SPSB4: variants seen among roughly 807,000 people sequenced by gnomAD.
SPSB4 encodes the protein SPRY domain-containing SOCS box protein 4.
Under a neutral mutation model 20.9 loss-of-function variants are expected in SPSB4, and 21 were observed. The ratio of observed to expected loss-of-function variants is 1.01; its 90% CI spans 0.71 to 1.45. The LOEUF is 1.45. Among genes scored for constraint, SPSB4 ranks in the 40% most tolerant of loss-of-function variants. The pLI is 0.00. For missense variants in SPSB4, 399 were observed against 399.2 expected (o/e 1.00, Z 0.00); for synonymous variants, 207 against 183.8 (o/e 1.13, Z -1.02).
intron 2 of SPSB4, among the ~76,000 whole-genome samples, chr3:141,140,645 G>A (rs910195238): frequency 6.6e-6 from 1 of 152,182 alleles, no homozygotes; most frequent in Non-Finnish European, 1.5e-5. Context: ...GCAGAACAGC[G>A]GATATTGGTG....
intron 2 of SPSB4, among the ~76,000 whole-genome samples, chr3:141,096,535 G>A (rs1168629714): frequency 2.0e-5 from 3 of 152,322 alleles, no homozygotes; most frequent in African/African-American, 7.2e-5. Context: ...AATCCCTAAT[G>A]GGTTCCATCT....
At position 141,120,015 on chromosome 3, in the gene SPSB4, G is replaced by C. The variant is rs376586636; in HGVS notation, c.695-27127G>C. On this transcript the variant is annotated intron_variant, in intron 2 of 2. Coordinates refer to ENST00000310546, the MANE Select transcript of SPSB4 (RefSeq NM_080862.3). ...CTTTTCATTGTGATGTTAGGGTGTC[G>C]ATTTTAGGTCTTTCCTGCTTCCTCT... Among the ~76,000 whole-genome samples the C allele has an allele frequency of 2.0e-4, 31 of 152,080 alleles. 1 individual carries two copies. In the East Asian group the frequency reaches 6.0e-3, roughly 29 times the overall value.
rs1239410831 is a variant in SPSB4 at position 141,148,586 on chromosome 3, A to G, written c.*1317A>G. The G allele has an allele frequency of 1.3e-5, 2 of 152,594 alleles. No homozygotes were observed. The highest frequency in any genetic ancestry group is 1.5e-5 in the Non-Finnish European group (1 of 68,036). 9.5% of individuals were successfully genotyped at this position (152,594 alleles called of 1,614,324 possible). ...TGACTGATGAATGAAGAGCGTTTCT[A>G]ATAAAGTTTGTCATTCAGTCCTTCA... is the stretch of plus-strand genomic sequence containing the variant. On this transcript the variant is annotated 3_prime_UTR_variant, in exon 3 of 3. Coordinates refer to ENST00000310546, the MANE Select transcript of SPSB4 (RefSeq NM_080862.3). The surrounding 1 kb of genome is among the most constrained non-coding windows in gnomAD (Gnocchi z 4.5).
chr3:141,133,850 C>T (rs1436280161), intron 2 of SPSB4, among the ~76,000 whole-genome samples: 1 of 151,994 alleles, frequency 6.6e-6, no homozygotes, highest in Non-Finnish European at 1.5e-5. Flanking sequence ...ATGGGAATTG[C>T]ATTGAATTTG....
chr3:141,112,644 C>CAAA (rs60396514), intron 2 of SPSB4, among the ~76,000 whole-genome samples: 375 of 32,826 alleles, frequency 0.011, 30 homozygotes, highest in African/African-American at 0.039. Flanking sequence ...GACTCCGTCT[C>CAAA]AAAAAAAAAA....
intron 2 of SPSB4, among the ~76,000 whole-genome samples, chr3:141,112,644 C>CAAAAAAAAAAAAAAAAA (rs60396514): frequency 1.2e-4 from 4 of 32,876 alleles, no homozygotes; most frequent in African/African-American, 2.3e-4. Context: ...GACTCCGTCT[C>CAAAAAAAAAAAAAAAAA]AAAAAAAAAA....
chr3:141,100,989 T>G (rs376718899), intron 2 of SPSB4, among the ~76,000 whole-genome samples: 2 of 152,088 alleles, frequency 1.3e-5, no homozygotes, highest in African/African-American at 4.8e-5. Flanking sequence ...GTAGCGGGGA[T>G]GCATGATGGC....
intron 2 of SPSB4, among the ~76,000 whole-genome samples, chr3:141,089,984 C>T (rs1414309974): frequency 6.6e-6 from 1 of 151,862 alleles, no homozygotes; most frequent in African/African-American, 2.4e-5. Context: ...GTGTTGGCCA[C>T]TCCCTCCCTC....
intron 2 of SPSB4, among the ~76,000 whole-genome samples, chr3:141,111,631 C>T (rs1385115388): frequency 2.0e-5 from 3 of 152,068 alleles, no homozygotes; most frequent in Non-Finnish European, 4.4e-5. Context: ...CCCACATCAG[C>T]GGGTCTCTCA....
chr3:141,059,346 G>T (rs1050818306), intron 1 of SPSB4, among the ~76,000 whole-genome samples: 2 of 152,198 alleles, frequency 1.3e-5, no homozygotes, highest in African/African-American at 4.8e-5. Flanking sequence ...ATAATGAAAA[G>T]AAGTTTAGTT....
At chr3:141,109,239 T>C (rs1938754492) in intron 2 of SPSB4, among the ~76,000 whole-genome samples, 1 of 152,220 alleles carries the variant, frequency 6.6e-6, no homozygotes, top group Admixed American at 6.5e-5. Flanking sequence ...ACTCACACCT[T>C]GCCATGCACC....
chr3:141,111,354 CTT>C (rs34223433), intron 2 of SPSB4, among the ~76,000 whole-genome samples: 1 of 61,800 alleles, frequency 1.6e-5, no homozygotes, highest in Non-Finnish European at 2.8e-5. Flanking sequence ...CTGGAACTTG[CTT>C]TTTTTTTTTT....
chr3:141,138,849 G>T (rs1939273917), intron 2 of SPSB4, among the ~76,000 whole-genome samples: 1 of 152,156 alleles, frequency 6.6e-6, no homozygotes, highest in African/African-American at 2.4e-5. Context: ...TGTCTATTAG[G>T]TCCGCTTGGT....
At chr3:141,068,523 G>T (rs1215799944) in intron 2 of SPSB4, among the ~76,000 whole-genome samples, 2 of 152,216 alleles carry the variant, frequency 1.3e-5, no homozygotes, top group African/African-American at 4.8e-5. Context: ...GGTGTACCAA[G>T]GCTCTGGAGT....
At chr3:141,061,943 C>G (rs1045636459) in intron 1 of SPSB4, among the ~76,000 whole-genome samples, 1 of 152,174 alleles carries the variant, frequency 6.6e-6, no homozygotes, top group Non-Finnish European at 1.5e-5. Context: ...CCATGTTGGC[C>G]AGGCTAGTCT....
chr3:141,085,744 C>A (rs937740729), intron 2 of SPSB4, among the ~76,000 whole-genome samples: 1 of 152,208 alleles, frequency 6.6e-6, no homozygotes, highest in Non-Finnish European at 1.5e-5. Context: ...ATTAATGATG[C>A]CTCCCTTTGG....
At chr3:141,053,677 C>G (rs1354665454) in intron 1 of SPSB4, among the ~76,000 whole-genome samples, 1 of 151,780 alleles carries the variant, frequency 6.6e-6, no homozygotes, top group East Asian at 1.9e-4. Context: ...GAAATGATAC[C>G]AAAACATATG....
chr3:141,070,665 C>T (rs1259857222), intron 2 of SPSB4, among the ~76,000 whole-genome samples: 1 of 152,202 alleles, frequency 6.6e-6, no homozygotes. Context: ...AGGCGTGAGA[C>T]ACGTCACCCG....
At chr3:141,106,505 C>T (rs1938691917) in intron 2 of SPSB4, among the ~76,000 whole-genome samples, 2 of 152,234 alleles carry the variant, frequency 1.3e-5, no homozygotes, top group Admixed American at 1.3e-4. Context: ...TCAGGAATTA[C>T]CTCCGATCAG....
Sources: gnomAD v4.1 joint callset for allele counts (sites outside exome capture counted in the v4.1 genomes callset) on GRCh38, gnomAD v4.1.1 for gene constraint, Gnocchi (gnomAD v3.1) non-coding constraint, MANE v1.5 for transcripts, NCBI Gene and HGNC (gene_info 2026-07-23, HGNC 2026-07-21) for gene names.